NEO1: variants seen among roughly 807,000 people sequenced by gnomAD.
NEO1 encodes neogenin.
A neutral mutation model predicts 159.7 loss-of-function variants in NEO1; 63 were observed. That is an observed-to-expected ratio of 0.39 (90% CI 0.32 to 0.49). The LOEUF (loss-of-function observed/expected upper bound fraction) is 0.49. NEO1 is among the 20% of genes least tolerant of loss of function. The probability of loss-of-function intolerance (pLI) is 0.85; values close to 1 mark genes in which losing one functional copy is unlikely to be tolerated. For missense variants in NEO1, 1,615 were observed against 1,831.0 expected, an observed-to-expected ratio of 0.88 and a Z score of 2.15; for synonymous variants, 633 against 662.0, an observed-to-expected ratio of 0.96 and a Z score of 0.67.
intron 7 of NEO1, among the ~76,000 whole-genome samples, chr15:73,233,671 A>G (rs1596423781): frequency 6.6e-6 from 1 of 152,246 alleles, no homozygotes; most frequent in East Asian, 1.9e-4. Context: ...GATCTGTGCT[A>G]TGGAAGTTCA....
At chr15:73,079,475 G>A (rs1453501161) in intron 1 of NEO1, among the ~76,000 whole-genome samples, 1 of 152,182 alleles carries the variant, frequency 6.6e-6, no homozygotes, top group African/African-American at 2.4e-5. Context: ...AATCAATTTT[G>A]CTGTTGGTAC....
chr15:73,265,339 G>C (rs576774851), intron 15 of NEO1, among the ~76,000 whole-genome samples: 2 of 152,300 alleles, frequency 1.3e-5, no homozygotes, highest in African/African-American at 4.8e-5. Context: ...GCTGGAGGCA[G>C]GGTGGGAAGG....
At chr15:73,252,940 A>T (rs2040153453) in intron 11 of NEO1, among the ~76,000 whole-genome samples, 1 of 152,176 alleles carries the variant, frequency 6.6e-6, no homozygotes, top group African/African-American at 2.4e-5. Context: ...CTGTGAGCCG[A>T]CATCACGCCA....
intron 8 of NEO1, among the ~76,000 whole-genome samples, chr15:73,238,739 A>G (rs1473191779): frequency 6.6e-6 from 1 of 152,104 alleles, no homozygotes; most frequent in Non-Finnish European, 1.5e-5. Context: ...ATACAAGCAG[A>G]TGATTCATAG....
chr15:73,180,191 G>T (rs1415430116), intron 7 of NEO1, among the ~76,000 whole-genome samples: 1 of 152,106 alleles, frequency 6.6e-6, no homozygotes. Flanking sequence ...TGTGCCTCCA[G>T]GAAGAATTTC....
intron 22 of NEO1, among the ~76,000 whole-genome samples, chr15:73,278,696 C>CT (rs1160098780): frequency 6.6e-6 from 1 of 152,214 alleles, no homozygotes; most frequent in African/African-American, 2.4e-5. Flanking sequence ...CATATATAAG[C>CT]TACTTTCACA....
chr15:73,054,265 T>C (rs1269535259), intron 1 of NEO1, among the ~76,000 whole-genome samples: 1 of 152,242 alleles, frequency 6.6e-6, no homozygotes. Context: ...AATTTCAAGT[T>C]TTTGTTTAAA....
chr15:73,278,181 T>C lies in NEO1; in HGVS notation c.3244T>C (p.Tyr1082His). 1 of 1,613,260 alleles carries C rather than the reference T, an allele frequency of 6.2e-7. No homozygotes were observed. ...GSRLPDLGSD[Y>H]KPPMSGSNSP... is the part of the protein sequence containing the mutation. ...CCGGCTGCCAGACCTAGGATCCGAC[T>C]ACAAACCTCCAATGAGCGGTAAAGC... is the stretch of plus-strand genomic sequence containing the variant. The change falls in exon 22 of 29, where the codon TAC becomes CAC. Residue 1082 changes from tyrosine to histidine, a missense_variant. Around this residue, in one of 3 missense-constraint regions of NEO1, gnomAD observed 471 missense variants for 498.9 expected, o/e 0.94. Transcript: ENST00000261908.
chr15:73,200,590 T>C (rs1596326219), intron 7 of NEO1, among the ~76,000 whole-genome samples: 1 of 133,018 alleles, frequency 7.5e-6, no homozygotes, highest in African/African-American at 2.9e-5. Context: ...AGAGAGAGAG[T>C]GGAATGAAAG....
intron 7 of NEO1, among the ~76,000 whole-genome samples, chr15:73,228,598 G>A (rs1260501637): frequency 6.6e-5 from 10 of 150,380 alleles, no homozygotes; most frequent in Admixed American, 6.6e-4. Context: ...GTTTTTTTTA[G>A]TGCAGAAGTA....
intron 1 of NEO1, among the ~76,000 whole-genome samples, chr15:73,074,295 C>T (rs147086147): frequency 1.3e-5 from 2 of 152,242 alleles, no homozygotes; most frequent in Non-Finnish European, 2.9e-5. Flanking sequence ...CCTTAATAAC[C>T]AATTTCTCGT....
chr15:73,228,521 C>G (rs1195298116), intron 7 of NEO1, among the ~76,000 whole-genome samples: 1 of 144,490 alleles, frequency 6.9e-6, no homozygotes, highest in East Asian at 2.1e-4. Context: ...CAGTCTGTTG[C>G]TTTTCATTTA....
At chr15:73,162,160 C>T (rs1364177804) in intron 5 of NEO1, 2 of 223,992 alleles carry the variant, frequency 8.9e-6, no homozygotes, top group East Asian at 2.2e-4. Context: ...GGGCAGATCA[C>T]TTTCCAAATG....
chr15:73,108,485 A>G (rs1385027052), intron 1 of NEO1, among the ~76,000 whole-genome samples: 3 of 152,302 alleles, frequency 2.0e-5, no homozygotes, highest in Admixed American at 6.5e-5. Context: ...AAGTACCACT[A>G]ATACTTAATT....
intron 1 of NEO1, among the ~76,000 whole-genome samples, chr15:73,056,682 C>T (rs1191155560): frequency 1.3e-5 from 2 of 152,152 alleles, no homozygotes; most frequent in African/African-American, 4.8e-5. Context: ...CCCTTCCCCT[C>T]AAACCTTATC....
intron 5 of NEO1, among the ~76,000 whole-genome samples, chr15:73,166,204 G>A (rs1409283590): frequency 6.6e-6 from 1 of 152,122 alleles, no homozygotes; most frequent in African/African-American, 2.4e-5. Context: ...ACAGAAAATA[G>A]CAAGTGTTGG....
At chr15:73,248,764 C>T (rs2039929115) in intron 9 of NEO1, among the ~76,000 whole-genome samples, 1 of 152,128 alleles carries the variant, frequency 6.6e-6, no homozygotes, top group African/African-American at 2.4e-5. Context: ...CAATGCCCGG[C>T]AAAAGAAGGA....
intron 7 of NEO1, among the ~76,000 whole-genome samples, chr15:73,190,072 A>G (rs971191924): frequency 6.6e-6 from 1 of 152,088 alleles, no homozygotes; most frequent in East Asian, 1.9e-4. Context: ...TTTGTTTTTT[A>G]TAATTATCTA....
chr15:73,279,355 T>TG (rs2041580449), intron 22 of NEO1, among the ~76,000 whole-genome samples: 1 of 136,608 alleles, frequency 7.3e-6, no homozygotes. Flanking sequence ...GTTTTGGTTT[T>TG]TTTTTTTTTT....
Sources: gnomAD v4.1 joint callset for allele counts (sites outside exome capture counted in the v4.1 genomes callset) on GRCh38, gnomAD v4.1.1 for gene constraint, gnomAD v4.1.1 regional missense constraint, MANE v1.5 for transcripts, NCBI Gene and HGNC (gene_info 2026-07-23, HGNC 2026-07-21) for gene names.